TDRKH: variants seen among roughly 807,000 people sequenced by gnomAD.
The protein encoded by TDRKH is tudor and KH domain-containing protein.
A neutral mutation model predicts 61.3 loss-of-function variants in TDRKH; 28 were observed. That is an observed-to-expected ratio of 0.46 (90% confidence interval 0.34 to 0.63). TDRKH has a LOEUF of 0.63. TDRKH is among the 20% of genes least tolerant of loss of function. The pLI, the probability that TDRKH is intolerant of heterozygous loss-of-function variation, is 0.01. For missense variants in TDRKH, 540 were observed against 683.4 expected, an observed-to-expected ratio of 0.79 and a Z score of 2.34; for synonymous variants, 219 against 244.4, an observed-to-expected ratio of 0.90 and a Z score of 0.97.
downstream of TDRKH, chr1:151,767,441 T>C (rs1042253432): frequency 1.4e-6 from 2 of 1,435,294 alleles, no homozygotes; most frequent in Non-Finnish European, 1.8e-6. Context: ...ACTTGCTATA[T>C]AGACAAGCAT....
chr1:151,774,648 G>T (rs1648974169), intron 12 of TDRKH, 62 bp downstream of exon 12: 3 of 1,600,948 alleles, frequency 1.9e-6, no homozygotes, highest in Non-Finnish European at 2.6e-6. Flanking sequence ...CCCTACTCTG[G>T]AAAGACTGAA....
At chr1:151,769,670 G>A (rs533509569), downstream of TDRKH, among the ~76,000 whole-genome samples, 2 of 152,288 alleles carry the variant, frequency 1.3e-5, no homozygotes, top group East Asian at 1.9e-4. Context: ...TCCCAGACGG[G>A]GTGGTGGCCG....
rs1214140983 is a variant in TDRKH, at chr1:151,778,971, T to C, written c.597A>G (p.Glu199=). 1 of 1,614,060 alleles carries C rather than the reference T, an allele frequency of 6.2e-7. No individual in the cohort carries two copies. Among genetic ancestry groups the C allele is most frequent in the Middle Eastern group, 1.6e-4 (1 of 6,062 alleles). ...LILEKVSEDE[E]LRKRIAHSAE... ...CAGAATGAGCAATTCTCTTCCGAAG[T>C]TCTTCATCTTCTGAAACTTTCTCCA... The change falls in exon 6 of 13, where the codon GAA becomes GAG. Residue 199 remains glutamate (E), a synonymous_variant. Transcript: ENST00000368824.
At chr1:151,778,077 G>T (rs979366604) in intron 6 of TDRKH, among the ~76,000 whole-genome samples, 2 of 152,006 alleles carry the variant, frequency 1.3e-5, no homozygotes, top group African/African-American at 4.8e-5. Flanking sequence ...GGTAAAACAT[G>T]GCGAAAGGAG....
rs145728205 is a variant in TDRKH at position 151,786,310 on chromosome 1, C to G, written c.-27-3261G>C. Among the ~76,000 whole-genome samples the G allele has an allele frequency of 6.1e-3, 929 of 152,216 alleles. 7 individuals carry two copies. Among genetic ancestry groups the G allele is most frequent in the African/African-American group, 0.021 (854 of 41,516 alleles). On this transcript the variant is annotated intron_variant, in intron 1 of 12. Transcript: ENST00000368824. ...GAACCCCAGTGGATGCCTTGGAGTA[C>G]TGAAAACTATAGGTTTTTTCAATCT...
chr1:151,787,339 C>A (rs1650415929), intron 1 of TDRKH, among the ~76,000 whole-genome samples: 1 of 152,178 alleles, frequency 6.6e-6, no homozygotes, highest in Admixed American at 6.5e-5. Flanking sequence ...CTGCCTCAGC[C>A]TAATGAGTAG....
At position 151,774,824 on chromosome 1, in the gene TDRKH, G is replaced by A; in HGVS notation, c.1537-18C>T. On this transcript the variant is annotated intron_variant, in intron 11 of 12. Coordinates refer to ENST00000368824, the MANE Select transcript of TDRKH (RefSeq NM_001083965.2). ...TCTGTGGCCTGAGTGGATGAAAACAGGAAAAAAGGAGGAACATGTTGGCTT... is the reference window on the plus strand; with the variant it reads ...TCTGTGGCCTGAGTGGATGAAAACAAGAAAAAAGGAGGAACATGTTGGCTT... 2 of 1,609,430 alleles carry A rather than the reference G, an allele frequency of 1.2e-6. No individual in the cohort carries two copies. The highest frequency in any genetic ancestry group is 2.7e-5 in the African/African-American group (2 of 74,610).
chr1:151,780,188 T>A, intron 3 of TDRKH, 48 bp from the exon 4 acceptor site: 1 of 1,585,642 alleles, frequency 6.3e-7, no homozygotes, highest in Non-Finnish European at 8.6e-7. Context: ...GAGCTCCCAT[T>A]TGAGCCCAGC....
At chr1:151,780,913 C>T (rs894398380) in intron 3 of TDRKH, among the ~76,000 whole-genome samples, 6 of 151,800 alleles carry the variant, frequency 4.0e-5, no homozygotes, top group South Asian at 2.1e-4. Context: ...GTCAAAAACC[C>T]GTATTTCAAG....
At chr1:151,786,785 G>A (rs1305368438) in intron 1 of TDRKH, among the ~76,000 whole-genome samples, 1 of 152,148 alleles carries the variant, frequency 6.6e-6, no homozygotes, top group African/African-American at 2.4e-5. Context: ...TGGGGGATGG[G>A]TACCTCTTTT....
Position 151,782,966 on chromosome 1 carries a change from C to T in TDRKH, c.57G>A (p.Leu19=). 6.2e-7 allele frequency: 1 copy of T among 1,613,724 alleles called. No homozygotes were observed. The highest frequency in any genetic ancestry group is 1.7e-4 in the Middle Eastern group (1 of 6,060). Residue 19 remains leucine, a synonymous_variant, in exon 2 of 13, where the codon CTG becomes CTA. Transcript: ENST00000368824. ...TTGCACTGGCTGGGATCCCAAGGCCCAGGGCTATTTTCTGAATGGTGGACA... is the reference window on the plus strand; with the variant it reads ...TTGCACTGGCTGGGATCCCAAGGCCTAGGGCTATTTTCTGAATGGTGGACA... The part of the protein sequence containing the change: ...TSLSTIQKIA[L]GLGIPASATV...
chr1:151,766,859 GGA>G (rs1558130964), downstream of TDRKH: 1 of 1,612,656 alleles, frequency 6.2e-7, no homozygotes, highest in Non-Finnish European at 8.5e-7. Context: ...TCACTCTCCG[GGA>G]GAAGATGCTG....
At chr1:151,774,950 C>T (rs902256370) in intron 11 of TDRKH, 115 bp downstream of exon 11, 1 of 1,356,486 alleles carries the variant, frequency 7.4e-7, no homozygotes, top group African/African-American at 1.4e-5. Flanking sequence ...TGGTCAACTA[C>T]TGGAGGAGCT....
Position 151,780,052 on chromosome 1 carries a change from T to C in TDRKH, c.320A>G (p.Gln107Arg). The change falls in exon 4 of 13, where the codon CAG becomes CGG. Residue 107 changes from glutamine to arginine, a missense_variant. By Grantham distance (43) the Gln-to-Arg change is conservative. Coordinates refer to ENST00000368824, the MANE Select transcript of TDRKH (RefSeq NM_001083965.2). ...RVLLISGFPV[Q>R]VCKAKAAIHQ... ...GATTGCTGCTTTGGCCTTGCACACCTGAACAGGAAAACCACTGATAAGCAG... is the reference window on the plus strand; with the variant it reads ...GATTGCTGCTTTGGCCTTGCACACCCGAACAGGAAAACCACTGATAAGCAG... 1 of 1,614,226 alleles carries C rather than the reference T, an allele frequency of 6.2e-7. No individual in the cohort carries two copies. Among genetic ancestry groups the C allele is most frequent in the Middle Eastern group, 1.6e-4 (1 of 6,062 alleles).
chr1:151,773,395 G>A (rs575534712), downstream of TDRKH: 22 of 152,738 alleles, frequency 1.4e-4, no homozygotes, highest in African/African-American at 5.1e-4. Flanking sequence ...TTGTTTCATA[G>A]ATGTGATCCT....
chr1:151,771,201 G>T, downstream of TDRKH: 1 of 1,613,542 alleles, frequency 6.2e-7, no homozygotes. Context: ...TTGGCCACCT[G>T]CCCAGTGAGC....
Position 151,789,835 on chromosome 1 carries a change from G to GA in TDRKH, c.-28+544dup, listed in dbSNP as rs369005664. ...TGGTACGTTTATTTTAAATTCACGA[G>GA]AAAAAAAAAAGTGTCAACCCCTTTC... On this transcript the variant is annotated intron_variant, in intron 1 of 12. Transcript: ENST00000368824. Among the ~76,000 whole-genome samples, 34 of 147,424 alleles carry GA rather than the reference G, an allele frequency of 2.3e-4. No homozygotes were observed. The East Asian group carries it at 3.8e-3, about 16-fold the overall frequency.
intron 1 of TDRKH, among the ~76,000 whole-genome samples, chr1:151,785,650 C>A (rs534506762): frequency 7.2e-5 from 11 of 152,184 alleles, no homozygotes; most frequent in Non-Finnish European, 1.3e-4. Flanking sequence ...TATCTAATCT[C>A]TAACCCAGAG....
intron 3 of TDRKH, among the ~76,000 whole-genome samples, 192 bp downstream of exon 3, chr1:151,781,289 C>T (rs1649742775): frequency 8.8e-6 from 1 of 113,204 alleles, no homozygotes; most frequent in Admixed American, 9.0e-5. Context: ...TGCACTCCAG[C>T]CTGGACAACA....
Sources: gnomAD v4.1 joint callset for allele counts (sites outside exome capture counted in the v4.1 genomes callset) on GRCh38, gnomAD v4.1.1 for gene constraint, MANE v1.5 for transcripts, NCBI Gene and HGNC (gene_info 2026-07-23, HGNC 2026-07-21) for gene names.